Variants in RNF169 observed in about 807,000 individuals in gnomAD.
RNF169 encodes E3 ubiquitin-protein ligase RNF169.
A neutral mutation model predicts 53.9 loss-of-function variants in RNF169; 24 were observed. The observed-to-expected ratio is 0.45, with a 90% CI of 0.32 to 0.63. The LOEUF (loss-of-function observed/expected upper bound fraction) is 0.63, where lower values mean the gene tolerates loss of function less well. Ranked by LOEUF, RNF169 falls within the 20% of genes least tolerant of loss-of-function variation. The probability of loss-of-function intolerance (pLI) is 0.04; values close to 1 mark genes in which losing one functional copy is unlikely to be tolerated. For missense variants in RNF169, 883 were observed against 906.2 expected (o/e 0.97, Z 0.33); for synonymous variants, 396 against 363.5 (o/e 1.09, Z -1.02).
At chr11:74,763,099 G>GA (rs2035114308) in intron 1 of RNF169, among the ~76,000 whole-genome samples, 1 of 152,132 alleles carries the variant, frequency 6.6e-6, no homozygotes, top group African/African-American at 2.4e-5. Context: ...TATGCAAAGA[G>GA]AAAATGAAAA....
chr11:74,763,712 T>C (rs992609912), intron 1 of RNF169, among the ~76,000 whole-genome samples: 4 of 152,080 alleles, frequency 2.6e-5, no homozygotes, highest in African/African-American at 9.7e-5. Context: ...AGATCCAACA[T>C]GTAATGGTAC....
Position 74,836,956 on chromosome 11 carries a change from C to A in RNF169, c.*226C>A. 1 of 452,034 alleles carries A rather than the reference C, an allele frequency of 2.2e-6. No individual in the cohort carries two copies. The highest frequency in any genetic ancestry group is 3.9e-6 in the Non-Finnish European group (1 of 253,752). The allele number at this position is 452,034 out of a possible 1,614,324, so 28.0% of individuals were successfully genotyped here. On this transcript the variant is annotated 3_prime_UTR_variant, in exon 6 of 6. Coordinates refer to ENST00000299563, the MANE Select transcript of RNF169 (RefSeq NM_001098638.2). Reference sequence around the variant, plus strand: ...GACCCATCCCTAAGGGCTTCTGGGCCAAACCTGGCAGCACCCACTGGGAAT... The same window carrying A: ...GACCCATCCCTAAGGGCTTCTGGGCAAAACCTGGCAGCACCCACTGGGAAT...
At chr11:74,810,759 TTTAGATAC>T (rs2035864427) in intron 3 of RNF169, among the ~76,000 whole-genome samples, 1 of 151,900 alleles carries the variant, frequency 6.6e-6, no homozygotes. Flanking sequence ...ATAAGGTAGG[TTTAGATAC>T]TTAGTCTATA....
intron 3 of RNF169, among the ~76,000 whole-genome samples, chr11:74,810,540 G>T (rs547020061): frequency 1.6e-4 from 25 of 152,270 alleles, no homozygotes; most frequent in African/African-American, 5.8e-4. Context: ...GAAGATTAAG[G>T]AACAGTGGGA....
chr11:74,788,941 T>C (rs757279752), intron 1 of RNF169, among the ~76,000 whole-genome samples: 3 of 152,146 alleles, frequency 2.0e-5, no homozygotes, highest in Admixed American at 6.5e-5. Context: ...TTTTTAATCA[T>C]TATGTATTTC....
chr11:74,798,070 C>T (rs493889), intron 2 of RNF169, among the ~76,000 whole-genome samples: 40,031 of 151,934 alleles, frequency 0.26, 5,509 homozygotes, highest in South Asian at 0.42. Context: ...TGTATGTCGC[C>T]TCAGGACCAT....
chr11:74,752,455 G>A (rs1322798820), intron 1 of RNF169, among the ~76,000 whole-genome samples: 3 of 151,830 alleles, frequency 2.0e-5, no homozygotes, highest in Admixed American at 1.3e-4. Flanking sequence ...AAATTAGCCA[G>A]GTGCGGTGGC....
At position 74,817,581 on chromosome 11, in the gene RNF169, T is replaced by C. The variant is rs1215728303; in HGVS notation, c.724-15T>C. 4.5e-6 allele frequency: 7 copies of C among 1,547,620 alleles called. No individual in the cohort carries two copies. The highest frequency in any genetic ancestry group is 6.3e-6 in the Non-Finnish European group (7 of 1,119,370). The stretch of plus-strand genomic sequence containing the variant: ...CTCCAAATGGACAGTGTTGTCTCCC[T>C]TGTCTCCCTGCCAGTGTCCTGCACG... On this transcript the variant is annotated splice_polypyrimidine_tract_variant and intron_variant, in intron 3 of 5. Transcript: ENST00000299563.
At chr11:74,774,578 G>A (rs1052905633) in intron 1 of RNF169, among the ~76,000 whole-genome samples, 104 of 152,024 alleles carry the variant, frequency 6.8e-4, no homozygotes, top group African/African-American at 2.4e-3. Flanking sequence ...CGTCTTTCTT[G>A]GTGACTTTAT....
intron 1 of RNF169, among the ~76,000 whole-genome samples, chr11:74,779,260 G>A (rs1025368837): frequency 6.6e-6 from 1 of 152,130 alleles, no homozygotes; most frequent in Non-Finnish European, 1.5e-5. Context: ...TGGCATTTCT[G>A]TTTGATTAGT....
intron 3 of RNF169, among the ~76,000 whole-genome samples, chr11:74,815,335 C>T (rs549478934): frequency 6.6e-6 from 1 of 152,136 alleles, no homozygotes; most frequent in Non-Finnish European, 1.5e-5. Context: ...GCGGGCAGAT[C>T]ACTTGAGGTC....
intron 4 of RNF169, among the ~76,000 whole-genome samples, chr11:74,830,090 T>G (rs868546544): frequency 2.0e-5 from 3 of 152,070 alleles, no homozygotes; most frequent in African/African-American, 7.2e-5. Context: ...AGAGGGAAAT[T>G]TATAGCTGTA....
intron 1 of RNF169, among the ~76,000 whole-genome samples, chr11:74,782,001 GT>G (rs778970458): frequency 2.0e-5 from 3 of 152,216 alleles, no homozygotes; most frequent in Non-Finnish European, 4.4e-5. Flanking sequence ...GCTACTGGTG[GT>G]GGTAGAGATG....
chr11:74,751,236 A>G (rs1245852031), intron 1 of RNF169, among the ~76,000 whole-genome samples: 1 of 152,104 alleles, frequency 6.6e-6, no homozygotes, highest in Non-Finnish European at 1.5e-5. Flanking sequence ...CATTTTATAG[A>G]TGAAACTGAG....
chr11:74,836,432 T>A lies in RNF169; in HGVS notation c.1829T>A (p.Leu610Gln). ...DLTNGVLVES[L>Q]SEEPLPSLRR... The stretch of plus-strand genomic sequence containing the variant: ...ACTAATGGTGTTCTAGTTGAGAGCC[T>A]AAGTGAAGAGCCACTTCCTTCTTTG... The change falls in exon 6 of 6, where the codon CTA becomes CAA. Residue 610 changes from leucine (L) to glutamine (Q), a missense_variant. Physicochemically the swap from Leu to Gln is moderately radical, Grantham distance 113. Transcript: ENST00000299563. The A allele has an allele frequency of 6.2e-7, 1 of 1,614,242 alleles. No homozygotes were observed. Among genetic ancestry groups the A allele is most frequent in the Non-Finnish European group, 8.5e-7 (1 of 1,180,044 alleles).
intron 1 of RNF169, among the ~76,000 whole-genome samples, chr11:74,786,372 A>C (rs1177545490): frequency 5.9e-5 from 9 of 151,698 alleles, no homozygotes; most frequent in Non-Finnish European, 1.3e-4. Flanking sequence ...AGCTGGGACT[A>C]TAGGTGTGCA....
chr11:74,809,195 T>G (rs1230075002), intron 2 of RNF169, among the ~76,000 whole-genome samples: 1 of 152,158 alleles, frequency 6.6e-6, no homozygotes, highest in Non-Finnish European at 1.5e-5. Flanking sequence ...AATTTTTTTC[T>G]TAAGAATAAT....
Position 74,749,088 on chromosome 11 carries a change from G to C in RNF169, c.208G>C (p.Gly70Arg). The C allele has an allele frequency of 1.4e-6, 2 of 1,445,594 alleles. No individual in the cohort carries two copies. Among genetic ancestry groups the C allele is most frequent in the Middle Eastern group, 2.5e-4 (1 of 4,056 alleles). 89.5% of individuals were successfully genotyped at this position (1,445,594 alleles called of 1,614,324 possible). The change falls in exon 1 of 6, where the codon GGG (glycine) becomes CGG (arginine). Residue 70 changes from glycine to arginine, a missense_variant. Gly to Arg is a moderately radical substitution (Grantham distance 125). This residue lies in a region of RNF169 where 313 missense variants were observed against 279.9 expected (regional missense o/e 1.12). Coordinates refer to ENST00000299563, the MANE Select transcript of RNF169 (RefSeq NM_001098638.2). ...PPRPEESGCA[G>R]CLEPPGEAAA... ...GCGGCCGGAGGAATCGGGCTGCGCC[G>C]GGTGCCTGGAGCCCCCCGGAGAAGC... is the stretch of plus-strand genomic sequence containing the variant.
At chr11:74,770,574 G>A (rs970882726) in intron 1 of RNF169, among the ~76,000 whole-genome samples, 2 of 152,008 alleles carry the variant, frequency 1.3e-5, no homozygotes, top group Non-Finnish European at 2.9e-5. Flanking sequence ...ATAATGGCTC[G>A]CAGTTCCTCC....
Sources: allele counts gnomAD v4.1 joint callset (sites outside exome capture counted in the v4.1 genomes callset), GRCh38; gene constraint gnomAD v4.1.1; regional missense constraint gnomAD v4.1.1; transcripts MANE v1.5; gene names NCBI Gene and HGNC (gene_info 2026-07-23, HGNC 2026-07-21).